The following HYCC1 variants were observed in gnomAD, a reference collection of about 807,000 sequenced individuals.
HYCC1 encodes the protein hyccin.
At chr7:22,924,287 C>G in the HYCC1 span, among the ~76,000 whole-genome samples, 8 of 152,002 alleles carry the variant, frequency 5.3e-5, no homozygotes, top group African/African-American at 1.9e-4. Flanking sequence ...TCCGCATTTC[C>G]AACTGAGGTA....
the HYCC1 span, among the ~76,000 whole-genome samples, chr7:22,908,837 G>A: frequency 6.6e-6 from 1 of 152,150 alleles, no homozygotes; most frequent in Non-Finnish European, 1.5e-5. Flanking sequence ...TTTATTGTGG[G>A]GGTTTGGTAC....
the HYCC1 span, chr7:22,977,374 A>G: frequency 6.3e-7 from 1 of 1,599,916 alleles, no homozygotes; most frequent in Non-Finnish European, 8.6e-7. Flanking sequence ...ATAAAGATGG[A>G]ATCGTAAAAC....
chr7:22,979,587 C>T, the HYCC1 span, among the ~76,000 whole-genome samples: 55,794 of 151,934 alleles, frequency 0.37, 10,316 homozygotes, highest in East Asian at 0.48. Context: ...GTGGAGTTTT[C>T]AAAATTTTCT....
chr7:22,943,245 A>G, the HYCC1 span: 1 of 152,196 alleles, frequency 6.6e-6, no homozygotes, highest in Non-Finnish European at 1.5e-5. Context: ...TAGCTGTCAA[A>G]ACCAATGAAG....
chr7:22,947,135 T>C, the HYCC1 span: 4 of 1,550,516 alleles, frequency 2.6e-6, no homozygotes, highest in Non-Finnish European at 3.5e-6. Flanking sequence ...TCTCTCCTAG[T>C]GTTCTGCCTT....
chr7:23,010,848 A>C, the HYCC1 span, among the ~76,000 whole-genome samples: 3 of 152,204 alleles, frequency 2.0e-5, no homozygotes, highest in African/African-American at 7.2e-5. Flanking sequence ...TGAAAGCTAT[A>C]GCTATCATTT....
chr7:22,960,563 A>G, the HYCC1 span: 1 of 681,718 alleles, frequency 1.5e-6, no homozygotes, highest in Non-Finnish European at 2.6e-6. Flanking sequence ...ATCCTCTAAG[A>G]TAAGAATAGG....
the HYCC1 span, among the ~76,000 whole-genome samples, chr7:22,907,884 C>G: frequency 9.0e-4 from 137 of 152,294 alleles, no homozygotes; most frequent in African/African-American, 3.0e-3. Context: ...TGCTCTCCAG[C>G]CTGAGCAACA....
the HYCC1 span, among the ~76,000 whole-genome samples, chr7:22,958,160 G>A: frequency 3.3e-5 from 5 of 152,082 alleles, no homozygotes; most frequent in Non-Finnish European, 7.4e-5. Context: ...CAAGTAGGAA[G>A]CAGGACCATG....
chr7:23,013,723 C>A, the HYCC1 span, among the ~76,000 whole-genome samples: 10 of 151,764 alleles, frequency 6.6e-5, no homozygotes, highest in African/African-American at 2.4e-4. Context: ...GCCCGCCAGC[C>A]GCCCCCAGCG....
chr7:22,971,536 C>G, the HYCC1 span, among the ~76,000 whole-genome samples: 1 of 151,500 alleles, frequency 6.6e-6, no homozygotes, highest in African/African-American at 2.4e-5. Flanking sequence ...ATTAGCTGGG[C>G]ATGGTGGCAT....
At chr7:22,920,475 T>C in the HYCC1 span, among the ~76,000 whole-genome samples, 1 of 151,874 alleles carries the variant, frequency 6.6e-6, no homozygotes, top group East Asian at 1.9e-4. Flanking sequence ...ATATGCAAAA[T>C]GCTGAAAGGA....
At chr7:22,911,522 G>A in the HYCC1 span, among the ~76,000 whole-genome samples, 2 of 152,284 alleles carry the variant, frequency 1.3e-5, no homozygotes, top group South Asian at 2.1e-4. Context: ...CACTTTGGGA[G>A]CCCGAGGTGG....
chr7:22,956,327 G>A, the HYCC1 span, among the ~76,000 whole-genome samples: 2 of 151,900 alleles, frequency 1.3e-5, no homozygotes, highest in East Asian at 1.9e-4. Flanking sequence ...CTTAAAAGTC[G>A]AAAGCAGCAA....
chr7:22,957,149 T>C, the HYCC1 span, among the ~76,000 whole-genome samples: 1 of 151,922 alleles, frequency 6.6e-6, no homozygotes, highest in African/African-American at 2.4e-5. Flanking sequence ...GATTCTTCTG[T>C]TACTGATAAT....
chr7:22,991,092 C>G, the HYCC1 span: 4 of 1,610,690 alleles, frequency 2.5e-6, no homozygotes, highest in Admixed American at 6.7e-5. Flanking sequence ...CTCCACAACC[C>G]CTTTCTCTGA....
chr7:22,994,023 C>A, the HYCC1 span, among the ~76,000 whole-genome samples: 2 of 152,046 alleles, frequency 1.3e-5, no homozygotes, highest in African/African-American at 2.4e-5. Context: ...CTCTGTTACC[C>A]GGGCTAGAGT....
At chr7:22,975,068 T>C in the HYCC1 span, among the ~76,000 whole-genome samples, 1 of 152,258 alleles carries the variant, frequency 6.6e-6, no homozygotes, top group African/African-American at 2.4e-5. Context: ...CATAGCAGTA[T>C]GAAAATGGAC....
At chr7:22,959,250 A>C in the HYCC1 span, among the ~76,000 whole-genome samples, 3 of 152,174 alleles carry the variant, frequency 2.0e-5, no homozygotes, top group Non-Finnish European at 4.4e-5. Context: ...GTTTTCTGAC[A>C]TACAATCACC....
Sources: gnomAD v4.1 joint callset for allele counts (sites outside exome capture counted in the v4.1 genomes callset) on GRCh38, gnomAD v4.1.1 for gene constraint, MANE v1.5 for transcripts, NCBI Gene and HGNC (gene_info 2026-07-23, HGNC 2026-07-21) for gene names.